Variants in CACNA1C observed in about 807,000 individuals in gnomAD.
The protein encoded by CACNA1C is voltage-dependent L-type calcium channel subunit alpha-1C.
A neutral mutation model predicts 229.0 loss-of-function variants in CACNA1C; 30 were observed. The observed-to-expected ratio is 0.13, with a 90% confidence interval of 0.10 to 0.18. The LOEUF is 0.18. Among genes scored for constraint, CACNA1C ranks in the 10% least tolerant of loss-of-function variants. The pLI is 1.00. For missense variants in CACNA1C, 1,658 were observed against 2,845.0 expected (o/e 0.58, Z 9.49); for synonymous variants, 1,114 against 1,132.5 (o/e 0.98, Z 0.33).
rs2093278893 is a variant in CACNA1C at position 2,135,597 on chromosome 12, G to T, written c.477+15167G>T. 1.5e-5 allele frequency among the ~76,000 whole-genome samples: 2 copies of T among 136,912 alleles called. 1 individual carries two copies. The highest frequency in any genetic ancestry group is 4.5e-4 in the South Asian group (2 of 4,450). 89.8% of individuals were successfully genotyped at this position (136,912 alleles called of 152,430 possible). A position where few individuals can be genotyped will look rare whatever the true frequency, so the allele number is the denominator to read the frequency against. On this transcript the variant is annotated intron_variant, in intron 3 of 46. Transcript: ENST00000399655. ...GGTGTCAGTCTGCCCCTGCTGGGGG[G>T]TGCCTCCCAGTTAGGCTGCTCAGGG...
intron 7 of CACNA1C, among the ~76,000 whole-genome samples, chr12:2,494,061 C>T (rs375775367): frequency 7.2e-5 from 11 of 151,822 alleles, no homozygotes; most frequent in South Asian, 2.1e-4. Flanking sequence ...ATGTGTAGAA[C>T]GTGCAGGTTT....
At chr12:2,574,616 A>G (rs1015703355) in intron 13 of CACNA1C, among the ~76,000 whole-genome samples, 1 of 152,214 alleles carries the variant, frequency 6.6e-6, no homozygotes, top group East Asian at 1.9e-4. Context: ...ACAGAGCTCC[A>G]GGTGAGAGCC....
chr12:2,122,496 C>G (rs1038357283), intron 3 of CACNA1C, among the ~76,000 whole-genome samples: 7 of 152,160 alleles, frequency 4.6e-5, no homozygotes, highest in Non-Finnish European at 7.4e-5. Context: ...CACGATTCTG[C>G]CCCATGGAGA....
chr12:2,579,123 C>T (rs973076408), intron 13 of CACNA1C, among the ~76,000 whole-genome samples: 4 of 152,272 alleles, frequency 2.6e-5, no homozygotes, highest in Middle Eastern at 6.8e-3. Flanking sequence ...TCTCCCTCTG[C>T]AGCCATGACC....
intron 1 of CACNA1C, among the ~76,000 whole-genome samples, chr12:2,114,622 C>G (rs529094107): frequency 6.6e-6 from 1 of 152,310 alleles, no homozygotes; most frequent in South Asian, 2.1e-4. Context: ...TGTGACCTTA[C>G]TCTAGTCCAG....
chr12:1,992,922 C>A, intron 1 of CACNA1C: 1 of 546,172 alleles, frequency 1.8e-6, no homozygotes, highest in Non-Finnish European at 3.2e-6. Flanking sequence ...GTTCAGGGAG[C>A]CACCTATGTG....
chr12:2,550,627 A>G (rs1211196474), intron 10 of CACNA1C: 2 of 1,351,024 alleles, frequency 1.5e-6, no homozygotes, highest in African/African-American at 3.0e-5. Context: ...CCTCTGGAAG[A>G]ACTGCAAACA....
In CACNA1C at chr12:2,354,351, C is replaced by T. The variant is rs559338468; in HGVS notation, c.478-94625C>T. Among the ~76,000 whole-genome samples, 8 of 152,260 alleles carry T rather than the reference C, an allele frequency of 5.3e-5. No homozygotes were observed. In the South Asian group the frequency reaches 6.2e-4, roughly 12 times the overall value. On this transcript the variant is annotated intron_variant, in intron 3 of 46. Coordinates refer to ENST00000399655, the MANE Select transcript of CACNA1C (RefSeq NM_000719.7). This position sits in a 1 kb window ranked among gnomAD's most constrained non-coding sequence, Gnocchi z 4.6. ...TGTGTTTCCTCTGGCGCCTCTAGGT[C>T]GCTCTGCAGCCACCTGCTTGGAGTG...
intron 9 of CACNA1C, among the ~76,000 whole-genome samples, chr12:2,526,296 T>C (rs1359333830): frequency 2.0e-5 from 3 of 152,208 alleles, no homozygotes; most frequent in Non-Finnish European, 4.4e-5. Flanking sequence ...GTGGGGGCTG[T>C]TGGCCCAAAG....
intron 3 of CACNA1C, among the ~76,000 whole-genome samples, chr12:2,253,010 G>C (rs748922258): frequency 6.6e-6 from 1 of 152,192 alleles, no homozygotes; most frequent in Non-Finnish European, 1.5e-5. Context: ...TCATGTTCCC[G>C]GAAGGGAAGG....
At chr12:2,530,850 G>A (rs1468156956) in intron 9 of CACNA1C, among the ~76,000 whole-genome samples, 1 of 152,192 alleles carries the variant, frequency 6.6e-6, no homozygotes, top group East Asian at 1.9e-4. Flanking sequence ...GAAGCTGATG[G>A]CCCCAGAGGG....
At chr12:2,433,752 A>T (rs2099108865) in intron 3 of CACNA1C, among the ~76,000 whole-genome samples, 1 of 152,138 alleles carries the variant, frequency 6.6e-6, no homozygotes, top group African/African-American at 2.4e-5. Flanking sequence ...CCCACTGCTT[A>T]GTCCTGCCGA....
intron 3 of CACNA1C, among the ~76,000 whole-genome samples, chr12:2,148,875 C>T (rs546637969): frequency 2.6e-5 from 4 of 152,324 alleles, no homozygotes; most frequent in East Asian, 3.9e-4. Flanking sequence ...CTATGCACTA[C>T]CAGACGCAGT....
At chr12:2,179,032 A>G (rs1048711563) in intron 3 of CACNA1C, among the ~76,000 whole-genome samples, 7 of 152,048 alleles carry the variant, frequency 4.6e-5, no homozygotes, top group Non-Finnish European at 8.8e-5. Context: ...ACTGCACTGC[A>G]GCCTGGTTGA....
intron 3 of CACNA1C, among the ~76,000 whole-genome samples, chr12:2,249,554 C>T (rs542436555): frequency 5.3e-4 from 80 of 152,274 alleles, no homozygotes; most frequent in African/African-American, 1.7e-3. Flanking sequence ...TAAATGTTTG[C>T]TGTTATTCCT....
rs554529919 is a variant in CACNA1C at position 2,100,477 on chromosome 12, A to C, written c.50-14747A>C. On this transcript the variant is annotated intron_variant, in intron 1 of 46. Coordinates refer to ENST00000399655, the MANE Select transcript of CACNA1C (RefSeq NM_000719.7). Reference sequence around the variant, plus strand: ...GCGAGACTCCATCTCAAAAAAAAAAAAACAAAAAAAAAAAACAACAAAAAT... The same window carrying C: ...GCGAGACTCCATCTCAAAAAAAAAACAACAAAAAAAAAAAACAACAAAAAT... 3.7e-4 allele frequency among the ~76,000 whole-genome samples: 26 copies of C among 69,434 alleles called. 1 individual carries two copies. The highest frequency in any genetic ancestry group is 1.6e-3 in the East Asian group (4 of 2,506). The allele number at this position is 69,434 out of a possible 152,430, so 45.6% of individuals were successfully genotyped here.
chr12:2,120,656 C>G (rs866398316), intron 3 of CACNA1C, among the ~76,000 whole-genome samples: 41 of 139,856 alleles, frequency 2.9e-4, no homozygotes, highest in African/African-American at 9.2e-4. Flanking sequence ...GTGGTGAGCT[C>G]TGTGTGTGTG....
intron 29 of CACNA1C, among the ~76,000 whole-genome samples, chr12:2,617,142 G>A (rs909619454): frequency 3.9e-5 from 6 of 152,206 alleles, no homozygotes; most frequent in African/African-American, 1.4e-4. Flanking sequence ...GGTTTCTCCG[G>A]TCCCCCACCT....
At chr12:2,593,835 T>G (rs1277193391) in intron 19 of CACNA1C, among the ~76,000 whole-genome samples, 1 of 152,250 alleles carries the variant, frequency 6.6e-6, no homozygotes, top group Non-Finnish European at 1.5e-5. Context: ...TTCACCATTT[T>G]TTTACTCATT....
Sources: gnomAD v4.1 joint callset for allele counts (sites outside exome capture counted in the v4.1 genomes callset) on GRCh38, gnomAD v4.1.1 for gene constraint, Gnocchi (gnomAD v3.1) non-coding constraint, MANE v1.5 for transcripts, NCBI Gene and HGNC (gene_info 2026-07-23, HGNC 2026-07-21) for gene names.